Variants in ANKRD17 observed in about 807,000 individuals in gnomAD.
ANKRD17 encodes ankyrin repeat domain-containing protein 17.
A neutral mutation model predicts 229.7 loss-of-function variants in ANKRD17; 19 were observed. The observed-to-expected ratio is 0.08, with a 90% CI of 0.06 to 0.12. The LOEUF (loss-of-function observed/expected upper bound fraction) is 0.12, where lower values mean the gene tolerates loss of function less well. ANKRD17 is among the 10% of genes least tolerant of loss of function. The pLI is 1.00. For synonymous variants in ANKRD17, 1,112 were observed against 1,146.1 expected, an observed-to-expected ratio of 0.97 and a Z score of 0.60; for missense variants, 2,176 against 3,176.8, an observed-to-expected ratio of 0.68 and a Z score of 7.57.
intron 1 of ANKRD17, among the ~76,000 whole-genome samples, chr4:73,226,266 C>T (rs1414526774): frequency 1.3e-5 from 2 of 151,740 alleles, no homozygotes; most frequent in Non-Finnish European, 2.9e-5. Flanking sequence ...TGAGCCACCG[C>T]GCCCGCCAGC....
At chr4:73,214,097 T>C (rs1274734363) in intron 1 of ANKRD17, among the ~76,000 whole-genome samples, 2 of 152,182 alleles carry the variant, frequency 1.3e-5, no homozygotes, top group Admixed American at 1.3e-4. Flanking sequence ...CTTCCTGAAA[T>C]TCTGAATGAC....
intron 1 of ANKRD17, among the ~76,000 whole-genome samples, chr4:73,204,759 G>T (rs148707761): frequency 6.6e-6 from 1 of 152,008 alleles, no homozygotes; most frequent in Non-Finnish European, 1.5e-5. Context: ...ATATACTGTC[G>T]TAAGGTTCTT....
chr4:73,112,757 T>G (rs1352783479), intron 24 of ANKRD17: 9 of 782,612 alleles, frequency 1.2e-5, no homozygotes, highest in Non-Finnish European at 1.4e-5. Flanking sequence ...TAGTAGATGT[T>G]AAATTTTATA....
chr4:73,201,520 T>C (rs566567425), intron 1 of ANKRD17, among the ~76,000 whole-genome samples: 1 of 152,222 alleles, frequency 6.6e-6, no homozygotes, highest in East Asian at 1.9e-4. Flanking sequence ...TTTTAAATAA[T>C]ACAGTCCCAA....
chr4:73,217,441 T>C (rs747111529), intron 1 of ANKRD17, among the ~76,000 whole-genome samples: 9 of 152,166 alleles, frequency 5.9e-5, no homozygotes, highest in Non-Finnish European at 1.0e-4. Flanking sequence ...AATAAGAGTA[T>C]CCTCACTGCA....
At chr4:73,225,919 T>G (rs1477077827) in intron 1 of ANKRD17, among the ~76,000 whole-genome samples, 1 of 148,138 alleles carries the variant, frequency 6.8e-6, no homozygotes, top group Non-Finnish European at 1.5e-5. Context: ...GGCAACACTT[T>G]ATTCACCAAT....
chr4:73,168,388 A>C (rs929894594), intron 2 of ANKRD17, among the ~76,000 whole-genome samples: 1 of 152,164 alleles, frequency 6.6e-6, no homozygotes, highest in Admixed American at 6.5e-5. Flanking sequence ...TAGAGATTTC[A>C]TTATCACTGC....
intron 1 of ANKRD17, among the ~76,000 whole-genome samples, chr4:73,226,123 G>A (rs184234542): frequency 5.3e-5 from 8 of 150,142 alleles, no homozygotes; most frequent in Admixed American, 2.0e-4. Context: ...CTACAGGCGC[G>A]TGCCACCACG....
intron 24 of ANKRD17, 114 bp from the exon 25 acceptor site, chr4:73,102,661 C>G: frequency 8.3e-7 from 1 of 1,199,838 alleles, no homozygotes; most frequent in Non-Finnish European, 1.2e-6. Context: ...TCAAAGTCAT[C>G]TAGTTCAATT....
chr4:73,244,119 T>C (rs2149267117), intron 1 of ANKRD17, among the ~76,000 whole-genome samples: 1 of 152,286 alleles, frequency 6.6e-6, no homozygotes, highest in African/African-American at 2.4e-5. Flanking sequence ...TGTGTTCAAA[T>C]GTCCTCTTTT....
At chr4:73,250,456 A>G (rs1312698820) in intron 1 of ANKRD17, among the ~76,000 whole-genome samples, 2 of 151,640 alleles carry the variant, frequency 1.3e-5, no homozygotes, top group African/African-American at 4.9e-5. Context: ...CAAAACAATT[A>G]GCCAGGCGCA....
intron 1 of ANKRD17, among the ~76,000 whole-genome samples, chr4:73,242,604 C>T (rs1289164238): frequency 6.6e-6 from 1 of 152,118 alleles, no homozygotes; most frequent in South Asian, 2.1e-4. Flanking sequence ...GATTCTAAAG[C>T]ATGTCTGACA....
chr4:73,147,106 C>T, intron 9 of ANKRD17, 135 bp downstream of exon 9: 1 of 857,708 alleles, frequency 1.2e-6, no homozygotes, highest in African/African-American at 1.7e-5. Context: ...GTTCAGAATA[C>T]ATACAAAGGT....
chr4:73,210,557 T>C (rs910165680), intron 1 of ANKRD17, among the ~76,000 whole-genome samples: 31 of 152,204 alleles, frequency 2.0e-4, no homozygotes, highest in African/African-American at 7.5e-4. Context: ...TTGGAACCTT[T>C]GCCCTAGATG....
At chr4:73,131,135 T>C (rs1349028818) in intron 16 of ANKRD17, among the ~76,000 whole-genome samples, 1 of 152,206 alleles carries the variant, frequency 6.6e-6, no homozygotes, top group Non-Finnish European at 1.5e-5. Context: ...CAGCAAAGTA[T>C]GTGGTATTCA....
chr4:73,152,664 T>C (rs1578203886), intron 6 of ANKRD17, among the ~76,000 whole-genome samples: 1 of 152,128 alleles, frequency 6.6e-6, no homozygotes, highest in Middle Eastern at 3.4e-3. Flanking sequence ...AGCAGCCCCA[T>C]CTCAAAGCTC....
rs148572873 is a variant in ANKRD17 at position 73,104,297 on chromosome 4, T to C, written c.4402-1750A>G. Among the ~76,000 whole-genome samples, 69 of 152,236 alleles carry C rather than the reference T, an allele frequency of 4.5e-4. 2 individuals are homozygous for C. In the East Asian group the frequency reaches 0.012, roughly 26 times the overall value. ...ACCACAAGGGAGGAGTAATATCTGATTGGTGAGTTTGAAAGAAGAAACTGA... is the reference window on the plus strand; with the variant it reads ...ACCACAAGGGAGGAGTAATATCTGACTGGTGAGTTTGAAAGAAGAAACTGA... On this transcript the variant is annotated intron_variant, in intron 24 of 33. Transcript: ENST00000358602.
In ANKRD17 at chr4:73,073,472, AAG is replaced by A. The variant is rs1720837506; in HGVS notation, c.*2757_*2758del. The A allele has an allele frequency of 6.6e-6, 1 of 152,098 alleles. No homozygotes were observed. The highest frequency in any genetic ancestry group is 2.1e-4 in the South Asian group (1 of 4,834). 9.4% of individuals were successfully genotyped at this position (152,098 alleles called of 1,614,324 possible). ...TCTAACACTGTACTGTTTTAAAAAT[AAG>A]TAATATAGGGTACAAAATTTTTACA... On this transcript the variant is annotated 3_prime_UTR_variant, in exon 34 of 34. Coordinates refer to ENST00000358602, the MANE Select transcript of ANKRD17 (RefSeq NM_032217.5).
intron 24 of ANKRD17, among the ~76,000 whole-genome samples, chr4:73,109,740 T>A (rs924308659): frequency 6.6e-6 from 1 of 152,042 alleles, no homozygotes; most frequent in African/African-American, 2.4e-5. Flanking sequence ...AAATTAGTCA[T>A]AAAGATTGTT....
Sources: gnomAD v4.1 joint callset for allele counts (sites outside exome capture counted in the v4.1 genomes callset) on GRCh38, gnomAD v4.1.1 for gene constraint, MANE v1.5 for transcripts, NCBI Gene and HGNC (gene_info 2026-07-23, HGNC 2026-07-21) for gene names.